TTC14: variants seen among roughly 807,000 people sequenced by gnomAD.
TTC14 encodes tetratricopeptide repeat domain 14.
Under a neutral mutation model 79.9 loss-of-function variants are expected in TTC14, and 63 were observed. The ratio of observed to expected loss-of-function variants is 0.79; its 90% CI spans 0.64 to 0.97. The LOEUF (loss-of-function observed/expected upper bound fraction) is 0.97. TTC14 is among the 50% of genes least tolerant of loss of function. TTC14 has a pLI of 0.00. For synonymous variants in TTC14, 335 were observed against 309.6 expected, an observed-to-expected ratio of 1.08 and a Z score of -0.86; for missense variants, 895 against 894.0, an observed-to-expected ratio of 1.00 and a Z score of -0.01.
chr3:180,609,926 A>G lies in TTC14; in HGVS notation c.1697A>G (p.Tyr566Cys), dbSNP rs1396463862. The G allele has an allele frequency of 6.2e-7, 1 of 1,613,982 alleles. No homozygotes were observed. Among genetic ancestry groups the G allele is most frequent in the Non-Finnish European group, 8.5e-7 (1 of 1,179,970 alleles). Residue 566 changes from tyrosine to cysteine, a missense_variant, in exon 12 of 12, where the codon TAT becomes TGT. Physicochemically the swap from Tyr to Cys is radical, Grantham distance 194. Coordinates refer to ENST00000296015, the MANE Select transcript of TTC14 (RefSeq NM_133462.4). ...KLLGKQDRLQ[Y>C]EKTQIKEKDR... ...CTGGGGAAGCAGGATAGGTTACAGTATGAAAAGACACAGATAAAAGAGAAA... is the reference window on the plus strand; with the variant it reads ...CTGGGGAAGCAGGATAGGTTACAGTGTGAAAAGACACAGATAAAAGAGAAA...
At position 180,611,027 on chromosome 3, in the gene TTC14, T is replaced by A. The variant is rs953925691; in HGVS notation, c.*485T>A. 1.1e-6 allele frequency: 1 copy of A among 939,704 alleles called. No homozygotes were observed. Among genetic ancestry groups the A allele is most frequent in the African/African-American group, 1.8e-5 (1 of 56,268 alleles). The allele number at this position is 939,704 out of a possible 1,614,324, so 58.2% of individuals were successfully genotyped here. On this transcript the variant is annotated 3_prime_UTR_variant, in exon 12 of 12. Transcript: ENST00000296015. Reference sequence around the variant, plus strand: ...ACTTTTATATTTATCAGTTTAAATATTACATTTTTTGCCCAATTTTTTTTA... The same window carrying A: ...ACTTTTATATTTATCAGTTTAAATAATACATTTTTTGCCCAATTTTTTTTA...
chr3:180,605,673 C>A, intron 6 of TTC14, 93 bp from the exon 7 acceptor site: 1 of 831,398 alleles, frequency 1.2e-6, no homozygotes, highest in Non-Finnish European at 1.8e-6. Flanking sequence ...GGGATTCATA[C>A]TTTCACTGTC....
rs1256589334 is a variant in TTC14 at position 180,603,226 on chromosome 3, T to C, written c.389T>C (p.Ile130Thr). The C allele has an allele frequency of 6.2e-7, 1 of 1,614,172 alleles. No homozygotes were observed. Among genetic ancestry groups the C allele is most frequent in the Non-Finnish European group, 8.5e-7 (1 of 1,180,000 alleles). Residue 130 changes from isoleucine (I) to threonine (T), a missense_variant, in exon 3 of 12, where the codon ATT (isoleucine) becomes ACT (threonine). Coordinates refer to ENST00000296015, the MANE Select transcript of TTC14 (RefSeq NM_133462.4). ...FRDIERGDIV[I>T]GRISSIREFG... ...GATATTGAGCGTGGTGATATAGTGA[T>C]TGGAAGAATTAGTTCTATTCGGGAA...
Position 180,610,253 on chromosome 3 carries a change from C to G in TTC14, c.2024C>G (p.Ser675Ter). Residue 675 changes from serine (S) to a stop codon, truncating the protein, a stop_gained, in exon 12 of 12, where the codon TCA (serine) becomes TGA (stop). Transcript: ENST00000296015. LOFTEE classifies it high-confidence loss of function. ...AGGCATTCTACCTCACCAGCAAGCT[C>G]AGAATACTCTTGGAAGTCAGTTGAG... is the stretch of plus-strand genomic sequence containing the variant. ...SVRHSTSPASSEYSWKSVEKY... is the reference protein window; with the variant it reads ...SVRHSTSPAS 6.2e-7 allele frequency: 1 copy of G among 1,613,932 alleles called. No homozygotes were observed. The highest frequency in any genetic ancestry group is 8.5e-7 in the Non-Finnish European group (1 of 1,179,924).
chr3:180,608,673 G>T (rs747280878), intron 10 of TTC14, 28 bp from the exon 11 acceptor site: 39 of 1,479,488 alleles, frequency 2.6e-5, no homozygotes, highest in East Asian at 7.6e-5. Flanking sequence ...TTAACGTGTG[G>T]TTTTTTTCGA....
rs557781816 is a variant in TTC14, at chr3:180,603,109, AT to A, written c.287-3del. 0.035 allele frequency: 30,135 copies of A among 863,730 alleles called. 2 individuals carry two copies. Among genetic ancestry groups the A allele is most frequent in the South Asian group, 0.055 (2,450 of 44,368 alleles). The allele number at this position is 863,730 out of a possible 1,614,324, so 53.5% of individuals were successfully genotyped here. On this transcript the variant is annotated splice_polypyrimidine_tract_variant and intron_variant, in intron 2 of 11. Coordinates refer to ENST00000296015, the MANE Select transcript of TTC14 (RefSeq NM_133462.4). ...AAAACTATCGTTAGTGATTTTGTTAATTTTTTTTTTTTAGATCATTATGCAA... is the reference window on the plus strand; with the variant it reads ...AAAACTATCGTTAGTGATTTTGTTAATTTTTTTTTTTAGATCATTATGCAA...
chr3:180,604,146 C>A, intron 3 of TTC14, 79 bp from the exon 4 acceptor site: 1 of 1,272,520 alleles, frequency 7.9e-7, no homozygotes, highest in Non-Finnish European at 1.1e-6. Context: ...TGTTTCATAC[C>A]AAACAACTAA....
At chr3:180,615,303 A>G (rs894237199), downstream of TTC14, among the ~76,000 whole-genome samples, 9 of 152,172 alleles carry the variant, frequency 5.9e-5, no homozygotes, top group Non-Finnish European at 1.2e-4. Flanking sequence ...GTAGTTTAAT[A>G]AGTATGTTCC....
intron 4 of TTC14, 45 bp downstream of exon 4, chr3:180,604,354 T>A: frequency 6.3e-7 from 1 of 1,585,416 alleles, no homozygotes; most frequent in Non-Finnish European, 8.6e-7. Context: ...GATTGTTGAA[T>A]TTTTGTTTTT....
rs772787042 is a variant in TTC14, at chr3:180,609,834, G to A, written c.1605G>A (p.Glu535=). ...SNQIDQNRKD[E]CYPVPANTSA... Reference sequence around the variant, plus strand: ...AGATAGATCAGAATAGGAAAGATGAGTGCTACCCAGTTCCAGCTAATACTT... The same window carrying A: ...AGATAGATCAGAATAGGAAAGATGAATGCTACCCAGTTCCAGCTAATACTT... The change falls in exon 12 of 12, where the codon GAG becomes GAA. Residue 535 remains glutamate (E), a synonymous_variant. Transcript: ENST00000296015. 3 of 1,613,680 alleles carry A rather than the reference G, an allele frequency of 1.9e-6. No homozygotes were observed. Among genetic ancestry groups the A allele is most frequent in the South Asian group, 1.1e-5 (1 of 91,000 alleles).
chr3:180,604,731 GCCACA>G, intron 5 of TTC14, 116 bp from the exon 6 acceptor site: 1 of 1,413,830 alleles, frequency 7.1e-7, no homozygotes, highest in South Asian at 1.4e-5. Flanking sequence ...TCATAATATT[GCCACA>G]CCATCTTATG....
intron 3 of TTC14, 62 bp downstream of exon 3, chr3:180,603,385 T>G (rs757248660): frequency 7.2e-7 from 1 of 1,379,504 alleles, no homozygotes; most frequent in East Asian, 2.3e-5. Flanking sequence ...ATGCAAGAAC[T>G]ATATCTTTGC....
chr3:180,606,686 T>C lies in TTC14; in HGVS notation c.1172+83T>C, dbSNP rs202171973. The C allele has an allele frequency of 7.6e-5, 111 of 1,461,618 alleles. No homozygotes were observed. The East Asian group carries it at 2.5e-3, about 33-fold the overall frequency. 90.5% of individuals were successfully genotyped at this position (1,461,618 alleles called of 1,614,324 possible). ...ATTTTGAACTTAAGGAAATAGTTTC[T>C]TAAGCACTTAATTTATAACACTCTT... On this transcript the variant is annotated intron_variant, in intron 9 of 11. Transcript: ENST00000296015.
rs928741572 is a variant in TTC14, at chr3:180,610,198, C to A, written c.1969C>A (p.His657Asn). ...AAAGGATATAGAGGGAAGAAAAGAG[C>A]ACTATAGAAGGTGGGAACCAGGTTC... ...FEKDIEGRKEHYRRWEPGSVR... is the reference protein window; with the variant it reads ...FEKDIEGRKENYRRWEPGSVR... The change falls in exon 12 of 12, where the codon CAC becomes AAC. Residue 657 changes from histidine (H) to asparagine (N), a missense_variant. His to Asn is a moderately conservative substitution (Grantham distance 68, BLOSUM62 1). Coordinates refer to ENST00000296015, the MANE Select transcript of TTC14 (RefSeq NM_133462.4). The A allele has an allele frequency of 1.1e-5, 18 of 1,613,610 alleles. No homozygotes were observed. In the African/African-American group the frequency reaches 2.3e-4, roughly 20 times the overall value.
Position 180,608,743 on chromosome 3 carries a change from A to T in TTC14, c.1333A>T (p.Lys445Ter). ...AGAAAAACAAGCTGAAAAGGAAGAA[A>T]AGCAGAAAACAAAGAAAATAGAAAC... ...LREKQAEKEE[K>*]QKTKKIETSA... Residue 445 changes from lysine to a stop codon, truncating the protein, a stop_gained, in exon 11 of 12, where the codon AAG (lysine) becomes TAG (stop). Transcript: ENST00000296015. LOFTEE classifies it high-confidence loss of function. 6.4e-7 allele frequency: 1 copy of T among 1,559,346 alleles called. No homozygotes were observed. Among genetic ancestry groups the T allele is most frequent in the South Asian group, 1.2e-5 (1 of 81,774 alleles).
At chr3:180,602,493 G>C in intron 1 of TTC14, 71 bp downstream of exon 1, 1 of 1,494,744 alleles carries the variant, frequency 6.7e-7, no homozygotes, top group Non-Finnish European at 8.9e-7. Context: ...CCGCAGCCCC[G>C]GGTTTGCGTC....
intron 10 of TTC14, chr3:180,608,219 A>G: frequency 3.0e-6 from 3 of 990,908 alleles, no homozygotes; most frequent in Non-Finnish European, 3.6e-6. Context: ...AAACTGGAAA[A>G]TGATTTCCTA....
chr3:180,611,500 G>A (rs562495241), downstream of TTC14, among the ~76,000 whole-genome samples: 4 of 152,142 alleles, frequency 2.6e-5, no homozygotes, highest in Non-Finnish European at 5.9e-5. Flanking sequence ...ATGCTTCTCT[G>A]ATGACCCCTT....
chr3:180,612,441 G>C (rs963672192), downstream of TTC14, among the ~76,000 whole-genome samples: 1 of 152,090 alleles, frequency 6.6e-6, no homozygotes, highest in African/African-American at 2.4e-5. Context: ...CAGCATTGGC[G>C]TAGGCAGAAT....
Sources: allele counts gnomAD v4.1 joint callset (sites outside exome capture counted in the v4.1 genomes callset), GRCh38; gene constraint gnomAD v4.1.1; transcripts MANE v1.5; gene names NCBI Gene and HGNC (gene_info 2026-07-23, HGNC 2026-07-21).